Variants in ZNF827 observed in about 807,000 individuals in gnomAD.
ZNF827 encodes the protein zinc finger protein 827.
Under a neutral mutation model 102.4 loss-of-function variants are expected in ZNF827, and 13 were observed. The observed-to-expected ratio is 0.13, with a 90% CI of 0.08 to 0.20. The LOEUF is 0.20. Ranked by LOEUF, ZNF827 falls within the 10% of genes least tolerant of loss-of-function variation. The pLI is 1.00. For missense variants in ZNF827, 1,103 were observed against 1,344.4 expected, an observed-to-expected ratio of 0.82 and a Z score of 2.81; for synonymous variants, 523 against 536.2, an observed-to-expected ratio of 0.98 and a Z score of 0.34.
intron 5 of ZNF827, among the ~76,000 whole-genome samples, chr4:145,858,498 T>G (rs1747388287): frequency 6.6e-6 from 1 of 151,842 alleles, no homozygotes; most frequent in Non-Finnish European, 1.5e-5. Flanking sequence ...AAAAATTAGC[T>G]GGGCTTGGTG....
intron 8 of ZNF827, among the ~76,000 whole-genome samples, chr4:145,807,239 C>A (rs1012846754): frequency 3.9e-5 from 6 of 152,140 alleles, no homozygotes; most frequent in African/African-American, 1.4e-4. Flanking sequence ...CTGTGTATAA[C>A]CATAATTATT....
chr4:145,818,438 C>T (rs1742811433), intron 8 of ZNF827, among the ~76,000 whole-genome samples: 1 of 152,206 alleles, frequency 6.6e-6, no homozygotes, highest in Non-Finnish European at 1.5e-5. Flanking sequence ...TGACATATGT[C>T]CTGTGCCTGA....
At chr4:145,825,523 G>C (rs939781590) in intron 7 of ZNF827, among the ~76,000 whole-genome samples, 1 of 152,180 alleles carries the variant, frequency 6.6e-6, no homozygotes, top group East Asian at 1.9e-4. Context: ...GGCCAATGTC[G>C]CCAGCCAGCA....
chr4:145,845,993 T>G lies in ZNF827; in HGVS notation c.2242A>C (p.Asn748His), dbSNP rs1390120058. Reference sequence around the variant, plus strand: ...CGGATGGTGTTTTCTTTTGTATGATTGTGCTCTTTGCTCACTTTTTCTGTA... The same window carrying G: ...CGGATGGTGTTTTCTTTTGTATGATGGTGCTCTTTGCTCACTTTTTCTGTA... The part of the protein sequence containing the change: ...QLSEKVSKEH[N>H]HTKENTIRTT... The change falls in exon 7 of 15, where the codon AAT becomes CAT. Residue 748 changes from asparagine to histidine, a missense_variant. Around this residue, in one of 5 missense-constraint regions of ZNF827, gnomAD observed 243 missense variants for 251.6 expected, o/e 0.97. Coordinates refer to ENST00000508784, the MANE Select transcript of ZNF827 (RefSeq NM_001306215.2). 1 of 1,614,148 alleles carries G rather than the reference T, an allele frequency of 6.2e-7. No homozygotes were observed. The highest frequency in any genetic ancestry group is 2.2e-5 in the East Asian group (1 of 44,894).
intron 5 of ZNF827, among the ~76,000 whole-genome samples, chr4:145,857,705 C>A (rs925751640): frequency 1.3e-5 from 2 of 152,134 alleles, no homozygotes; most frequent in Non-Finnish European, 2.9e-5. Context: ...TTTGGCAGCC[C>A]AGCAGATGAT....
Position 145,902,089 on chromosome 4 carries a change from G to GA in ZNF827, c.1093+76dup. ...CTCAGATCAGATGGGGAACCCAACT[G>GA]AAAAAAGCAATGAATAAGACATCGC... is the stretch of plus-strand genomic sequence containing the variant. On this transcript the variant is annotated intron_variant, in intron 2 of 14. Transcript: ENST00000508784. The surrounding 1 kb of genome is among the most constrained non-coding windows in gnomAD (Gnocchi z 4.3). The GA allele has an allele frequency of 6.7e-7, 1 of 1,499,602 alleles. No homozygotes were observed. Among genetic ancestry groups the GA allele is most frequent in the Non-Finnish European group, 8.9e-7 (1 of 1,124,956 alleles). 92.9% of individuals were successfully genotyped at this position (1,499,602 alleles called of 1,614,324 possible).
intron 5 of ZNF827, among the ~76,000 whole-genome samples, chr4:145,863,557 A>C (rs1014110391): frequency 2.0e-5 from 3 of 152,270 alleles, no homozygotes; most frequent in African/African-American, 7.2e-5. Context: ...ATAAAGCCAT[A>C]AAAATGAAGT....
intron 11 of ZNF827, among the ~76,000 whole-genome samples, chr4:145,770,191 C>T (rs1250327401): frequency 1.3e-5 from 2 of 152,120 alleles, no homozygotes; most frequent in African/African-American, 2.4e-5. Context: ...CCCAGCTACT[C>T]AGGGGGCTGA....
intron 2 of ZNF827, 108 bp from the exon 3 acceptor site, chr4:145,892,523 GT>G (rs1750682373): frequency 1.6e-6 from 2 of 1,233,746 alleles, no homozygotes; most frequent in African/African-American, 1.5e-5. Flanking sequence ...AATGATTTGG[GT>G]TTTTTTCTTG....
chr4:145,892,293 G>T lies in ZNF827; in HGVS notation c.1216C>A (p.Leu406Ile), dbSNP rs747529630. 3.1e-6 allele frequency: 5 copies of T among 1,614,052 alleles called. No individual in the cohort carries two copies. The South Asian group carries it at 5.5e-5, about 18-fold the overall frequency. ...TTGCGAGCACACCGGAATGGACAGA[G>T]CGGACACTGATGACTTTTTAAACCT... ...HTGLKSHQCP[L>I]CPFRCARKDN... Residue 406 changes from leucine to isoleucine, a missense_variant, in exon 3 of 15, where the codon CTC becomes ATC. Leu to Ile is a conservative substitution (Grantham distance 5, BLOSUM62 2). This residue lies in a region of ZNF827 where 20 missense variants were observed against 60.6 expected (regional missense o/e 0.33). Transcript: ENST00000508784.
chr4:145,767,593 A>G (rs1735500501), intron 11 of ZNF827, among the ~76,000 whole-genome samples: 1 of 152,228 alleles, frequency 6.6e-6, no homozygotes, highest in Non-Finnish European at 1.5e-5. Context: ...GTGCTAAAGA[A>G]CAAAATCCTG....
At chr4:145,869,743 C>CATT (rs1366042664) in intron 5 of ZNF827, among the ~76,000 whole-genome samples, 16 of 152,076 alleles carry the variant, frequency 1.1e-4, no homozygotes, top group African/African-American at 3.9e-4. Context: ...TGTAATATTC[C>CATT]ATTATAAAAT....
At position 145,767,377 on chromosome 4, in the gene ZNF827, G is replaced by C. The variant is rs148335472; in HGVS notation, c.2861-1639C>G. Reference sequence around the variant, plus strand: ...ATCTCCCCAAATGAAAAGAGCATCAGTGAACTGTGGGATGCCTTTGGGAAG... The same window carrying C: ...ATCTCCCCAAATGAAAAGAGCATCACTGAACTGTGGGATGCCTTTGGGAAG... On this transcript the variant is annotated intron_variant, in intron 11 of 14. Coordinates refer to ENST00000508784, the MANE Select transcript of ZNF827 (RefSeq NM_001306215.2). Among the ~76,000 whole-genome samples the C allele has an allele frequency of 1.7e-3, 255 of 152,316 alleles. 1 individual carries two copies. Among genetic ancestry groups the C allele is most frequent in the African/African-American group, 5.8e-3 (241 of 41,580 alleles).
intron 2 of ZNF827, among the ~76,000 whole-genome samples, chr4:145,897,076 G>T (rs1267214560): frequency 6.6e-6 from 1 of 152,164 alleles, no homozygotes; most frequent in African/African-American, 2.4e-5. Context: ...TACAGATGAG[G>T]ATACTAAACT....
At chr4:145,886,231 A>G in intron 3 of ZNF827, 73 bp from the exon 4 acceptor site, 1 of 1,501,188 alleles carries the variant, frequency 6.7e-7, no homozygotes, top group South Asian at 1.4e-5. Context: ...GATCCAGACT[A>G]TTCATCAATC....
chr4:145,785,912 TC>T (rs1381214574), intron 8 of ZNF827, among the ~76,000 whole-genome samples: 2 of 152,222 alleles, frequency 1.3e-5, no homozygotes, highest in African/African-American at 4.8e-5. Context: ...TTTCTCCATT[TC>T]TGTTATTAAA....
In ZNF827 at chr4:145,790,569, G is replaced by T. The variant is rs544504442; in HGVS notation, c.2384-11058C>A. ...AAAATTCAAGTCACAGTCATTTCCA[G>T]ATATTATTCAAGTAAGCCTCTAGGG... On this transcript the variant is annotated intron_variant, in intron 8 of 14. Transcript: ENST00000508784. Among the ~76,000 whole-genome samples the T allele has an allele frequency of 1.6e-4, 25 of 152,284 alleles. No homozygotes were observed. The South Asian group carries it at 3.5e-3, about 21-fold the overall frequency.
rs1320817216 is a variant in ZNF827 at position 145,763,702 on chromosome 4, T to C, written c.3231-580A>G. On this transcript the variant is annotated intron_variant, in intron 13 of 14. Coordinates refer to ENST00000508784, the MANE Select transcript of ZNF827 (RefSeq NM_001306215.2). This position sits in a 1 kb window ranked among gnomAD's most constrained non-coding sequence, Gnocchi z 4.6. ...CAACCACAGAAAAACATGGTTCTGG[T>C]GTTTCTCTTTTTAAAATGAGAGCAC... is the stretch of plus-strand genomic sequence containing the variant. 6.6e-6 allele frequency among the ~76,000 whole-genome samples: 1 copy of C among 152,198 alleles called. No individual in the cohort carries two copies. Among genetic ancestry groups the C allele is most frequent in the Non-Finnish European group, 1.5e-5 (1 of 68,032 alleles).
chr4:145,815,506 G>T (rs1742514853), intron 8 of ZNF827, among the ~76,000 whole-genome samples: 1 of 152,146 alleles, frequency 6.6e-6, no homozygotes, highest in Non-Finnish European at 1.5e-5. Context: ...TTTGGCCTAG[G>T]TAAGAGAATA....
Sources: gnomAD v4.1 joint callset for allele counts (sites outside exome capture counted in the v4.1 genomes callset) on GRCh38, gnomAD v4.1.1 for gene constraint, gnomAD v4.1.1 regional missense constraint, Gnocchi (gnomAD v3.1) non-coding constraint, MANE v1.5 for transcripts, NCBI Gene and HGNC (gene_info 2026-07-23, HGNC 2026-07-21) for gene names.